The following CRYL1 variants were observed in gnomAD, a reference collection of about 807,000 sequenced individuals.
CRYL1 encodes crystallin lambda 1.
A neutral mutation model predicts 36.6 loss-of-function variants in CRYL1; 29 were observed. That is an observed-to-expected ratio of 0.79 (90% CI 0.59 to 1.08). The LOEUF (loss-of-function observed/expected upper bound fraction) is 1.08. Ranked by LOEUF, CRYL1 falls within the 50% of genes least tolerant of loss-of-function variation. The probability of loss-of-function intolerance (pLI) is 0.00; values close to 1 mark genes in which losing one functional copy is unlikely to be tolerated. For missense variants in CRYL1, 411 were observed against 407.9 expected, an observed-to-expected ratio of 1.01 and a Z score of -0.06; for synonymous variants, 152 against 151.5, an observed-to-expected ratio of 1.00 and a Z score of -0.02.
In CRYL1 at chr13:20,435,990, G is replaced by A. The variant is rs1294178678; in HGVS notation, c.438+3603C>T. On this transcript the variant is annotated intron_variant, in intron 4 of 7. Transcript: ENST00000298248. This position sits in a 1 kb window ranked among gnomAD's most constrained non-coding sequence, Gnocchi z 4.0. ...CAGCTCGGAGCGGCCGCAGGGCCGT[G>A]CAGATGTGCAAAGAGACGCACAGAG... 2.0e-5 allele frequency among the ~76,000 whole-genome samples: 3 copies of A among 152,226 alleles called. No individual in the cohort carries two copies. Among genetic ancestry groups the A allele is most frequent in the Non-Finnish European group, 4.4e-5 (3 of 68,036 alleles).
intron 1 of CRYL1, among the ~76,000 whole-genome samples, chr13:20,518,566 G>GT (rs1399093910): frequency 1.3e-5 from 2 of 152,144 alleles, no homozygotes; most frequent in African/African-American, 4.8e-5. Context: ...AGGGATTTTG[G>GT]TTTTTACTGA....
intron 1 of CRYL1, among the ~76,000 whole-genome samples, chr13:20,524,604 C>T (rs1273323258): frequency 6.6e-5 from 10 of 152,036 alleles, no homozygotes; most frequent in Non-Finnish European, 1.2e-4. Context: ...CTCGAACTCC[C>T]GACCTCAGAT....
intron 3 of CRYL1, among the ~76,000 whole-genome samples, chr13:20,443,297 A>G (rs2032384901): frequency 6.6e-6 from 1 of 152,188 alleles, no homozygotes; most frequent in Admixed American, 6.5e-5. Flanking sequence ...TATGCAACAT[A>G]CATTTTCCAA....
At chr13:20,426,439 G>A (rs945080921) in intron 5 of CRYL1, among the ~76,000 whole-genome samples, 4 of 152,082 alleles carry the variant, frequency 2.6e-5, no homozygotes, top group Non-Finnish European at 5.9e-5. Context: ...ACATCTTTTG[G>A]TATAACCAGA....
chr13:20,461,028 CG>C (rs956974875), intron 3 of CRYL1, among the ~76,000 whole-genome samples: 1 of 152,130 alleles, frequency 6.6e-6, no homozygotes, highest in Non-Finnish European at 1.5e-5. Context: ...CTAGGGTAGC[CG>C]CTGTCTCCAC....
At chr13:20,436,239 TTGG>T (rs2032215051) in intron 4 of CRYL1, among the ~76,000 whole-genome samples, 1 of 152,132 alleles carries the variant, frequency 6.6e-6, no homozygotes, top group African/African-American at 2.4e-5. Flanking sequence ...AGCACAGTAC[TTGG>T]TGGGCTCCGA....
intron 6 of CRYL1, among the ~76,000 whole-genome samples, chr13:20,406,451 A>G (rs998283923): frequency 6.6e-6 from 1 of 152,184 alleles, no homozygotes; most frequent in Non-Finnish European, 1.5e-5. Context: ...TGACATTAGC[A>G]TCTGAAATTA....
At chr13:20,499,736 C>T (rs1044610984) in intron 2 of CRYL1, among the ~76,000 whole-genome samples, 1 of 152,088 alleles carries the variant, frequency 6.6e-6, no homozygotes, top group African/African-American at 2.4e-5. Flanking sequence ...GATGTGTTGT[C>T]AATGTGTTCC....
intron 3 of CRYL1, among the ~76,000 whole-genome samples, chr13:20,445,786 C>A (rs1465696169): frequency 6.6e-6 from 1 of 152,082 alleles, no homozygotes; most frequent in Non-Finnish European, 1.5e-5. Flanking sequence ...TGACAAAAAT[C>A]AAATGGAAAG....
intron 5 of CRYL1, among the ~76,000 whole-genome samples, chr13:20,426,503 G>A (rs113131112): frequency 0.014 from 2,061 of 152,262 alleles, 45 homozygotes; most frequent in African/African-American, 0.047. Context: ...GTGACCACAT[G>A]AGAATCTCCA....
Position 20,525,389 on chromosome 13 carries a change from G to C in CRYL1, c.41+365C>G, listed in dbSNP as rs567555547. Among the ~76,000 whole-genome samples, 1 of 152,206 alleles carries C rather than the reference G, an allele frequency of 6.6e-6. No individual in the cohort carries two copies. Among genetic ancestry groups the C allele is most frequent in the Admixed American group, 6.5e-5 (1 of 15,286 alleles). ...CGTCGCAGGATCGCAGCCAGAATTCGTTTCATTCAACACGGTGCCTGGCAC... is the reference window on the plus strand; with the variant it reads ...CGTCGCAGGATCGCAGCCAGAATTCCTTTCATTCAACACGGTGCCTGGCAC... On this transcript the variant is annotated intron_variant, in intron 1 of 7. Coordinates refer to ENST00000298248, the MANE Select transcript of CRYL1 (RefSeq NM_015974.3). This position sits in a 1 kb window ranked among gnomAD's most constrained non-coding sequence, Gnocchi z 4.3.
At chr13:20,514,294 C>T (rs1178733444) in intron 1 of CRYL1, among the ~76,000 whole-genome samples, 1 of 152,186 alleles carries the variant, frequency 6.6e-6, no homozygotes, top group African/African-American at 2.4e-5. Flanking sequence ...TGGTAACTCA[C>T]ATTGAGAGTA....
chr13:20,519,741 C>A (rs1198827611), intron 1 of CRYL1, among the ~76,000 whole-genome samples: 1 of 152,112 alleles, frequency 6.6e-6, no homozygotes, highest in Non-Finnish European at 1.5e-5. Context: ...GATGAACAAT[C>A]TATAGATTGA....
At chr13:20,411,776 C>A (rs115784454) in intron 6 of CRYL1, among the ~76,000 whole-genome samples, 1,874 of 152,256 alleles carry the variant, frequency 0.012, 31 homozygotes, top group African/African-American at 0.042. Flanking sequence ...CTAACACACA[C>A]GTGCTGGAGC....
In CRYL1 at chr13:20,415,196, C is replaced by T. The variant is rs1040022411; in HGVS notation, c.634-1809G>A. On this transcript the variant is annotated intron_variant, in intron 5 of 7. Coordinates refer to ENST00000298248, the MANE Select transcript of CRYL1 (RefSeq NM_015974.3). This position sits in a 1 kb window ranked among gnomAD's most constrained non-coding sequence, Gnocchi z 4.1. ...CTTTGCCCAGAAGGCCGTCTCCAAG[C>T]TGGGGGCTTGCTCCGCCCGGAGGGC... Among the ~76,000 whole-genome samples the T allele has an allele frequency of 6.6e-6, 1 of 152,210 alleles. No homozygotes were observed. Among genetic ancestry groups the T allele is most frequent in the Non-Finnish European group, 1.5e-5 (1 of 68,026 alleles).
intron 5 of CRYL1, among the ~76,000 whole-genome samples, chr13:20,423,576 T>C (rs376624766): frequency 3.4e-4 from 52 of 152,288 alleles, no homozygotes; most frequent in African/African-American, 1.0e-3. Flanking sequence ...GATTTGCCTA[T>C]GGTAAAGTAT....
chr13:20,442,077 T>C (rs370445921), intron 3 of CRYL1, among the ~76,000 whole-genome samples: 1 of 152,228 alleles, frequency 6.6e-6, no homozygotes, highest in Non-Finnish European at 1.5e-5. Flanking sequence ...TAAGTTTAAA[T>C]GGAGCCTTGT....
chr13:20,513,884 T>C (rs2033955576), intron 1 of CRYL1, among the ~76,000 whole-genome samples: 1 of 150,168 alleles, frequency 6.7e-6, no homozygotes, highest in Non-Finnish European at 1.5e-5. Flanking sequence ...CGGAGCAGTT[T>C]GTAGCACCAA....
At chr13:20,464,012 GCCCATTC>G (rs1029030321) in intron 3 of CRYL1, among the ~76,000 whole-genome samples, 27 of 152,092 alleles carry the variant, frequency 1.8e-4, no homozygotes, top group Non-Finnish European at 3.5e-4. Flanking sequence ...TGTCAATTGT[GCCCATTC>G]CTGTTAACCG....
Sources: allele counts gnomAD v4.1 joint callset (sites outside exome capture counted in the v4.1 genomes callset), GRCh38; gene constraint gnomAD v4.1.1; non-coding constraint Gnocchi (gnomAD v3.1); transcripts MANE v1.5; gene names NCBI Gene and HGNC (gene_info 2026-07-23, HGNC 2026-07-21).